The following MAP3K8 variants were observed in gnomAD, a reference collection of about 807,000 sequenced individuals.
The protein encoded by MAP3K8 is mitogen-activated protein kinase kinase kinase 8.
Under a neutral mutation model 45.8 loss-of-function variants are expected in MAP3K8, and 22 were observed. The ratio of observed to expected loss-of-function variants is 0.48; its 90% CI spans 0.34 to 0.69. The LOEUF is 0.69. Among genes scored for constraint, MAP3K8 ranks in the 30% least tolerant of loss-of-function variants. The pLI, the probability that MAP3K8 is intolerant of heterozygous loss-of-function variation, is 0.01. For missense variants in MAP3K8, 419 were observed against 585.0 expected (o/e 0.72, Z 2.93); for synonymous variants, 223 against 214.3 (o/e 1.04, Z -0.36).
chr10:30,448,430 T>C (rs1346216514), intron 4 of MAP3K8, among the ~76,000 whole-genome samples: 1 of 149,162 alleles, frequency 6.7e-6, no homozygotes, highest in Non-Finnish European at 1.5e-5. Context: ...ATTATTATTA[T>C]TATTATTATT....
chr10:30,439,253 A>G lies in MAP3K8; in HGVS notation c.315A>G (p.Glu105=). The part of the protein sequence containing the change: ...AKHFYGQRPQ[E]SGILLNMVIT... ...ATTTTTATGGACAACGACCACAGGA[A>G]TCTGGAATTTTATTAAACATGGTAC... The change falls in exon 3 of 9, where the codon GAA becomes GAG. Residue 105 remains glutamate (E), a synonymous_variant. Coordinates refer to ENST00000263056, the MANE Select transcript of MAP3K8 (RefSeq NM_005204.4). 6.2e-7 allele frequency: 1 copy of G among 1,614,222 alleles called. No individual in the cohort carries two copies. The highest frequency in any genetic ancestry group is 8.5e-7 in the Non-Finnish European group (1 of 1,180,034).
At chr10:30,435,099 G>A (rs189314640) in intron 1 of MAP3K8, among the ~76,000 whole-genome samples, 55 of 152,348 alleles carry the variant, frequency 3.6e-4, no homozygotes, top group African/African-American at 1.3e-3. Flanking sequence ...GACGCCTAGG[G>A]ATTGTCTCCA....
At position 30,452,750 on chromosome 10, in the gene MAP3K8, T is replaced by C. The variant is rs371268599; in HGVS notation, c.873+1006T>C. On this transcript the variant is annotated intron_variant, in intron 6 of 8. Transcript: ENST00000263056. ...GGCTGTAGGACAGTGGCGCATGATC[T>C]CAGCTCACTGTAATCTCCACCTCCT... Among the ~76,000 whole-genome samples the C allele has an allele frequency of 1.1e-4, 16 of 152,290 alleles. No homozygotes were observed. The East Asian group carries it at 1.5e-3, about 15-fold the overall frequency.
At chr10:30,441,412 C>A (rs538214300) in intron 3 of MAP3K8, among the ~76,000 whole-genome samples, 108 of 152,222 alleles carry the variant, frequency 7.1e-4, no homozygotes, top group Non-Finnish European at 1.2e-4. Context: ...CTGCCTTGGC[C>A]TTTCAAAGTG....
In MAP3K8 at chr10:30,458,253, C is replaced by CCCTGGGG; in HGVS notation, c.1026+17_1026+18insCCTGGGG. 1.7e-6 allele frequency: 1 copy of CCCTGGGG among 599,138 alleles called. No individual in the cohort carries two copies. Among genetic ancestry groups the CCCTGGGG allele is most frequent in the Non-Finnish European group, 2.6e-6 (1 of 387,912 alleles). 37.1% of individuals were successfully genotyped at this position (599,138 alleles called of 1,614,324 possible). A position where few individuals can be genotyped will look rare whatever the true frequency, so the allele number is the denominator to read the frequency against. ...CTGTACATAGTAAGTGGGGTTCAAC[C>CCCTGGGG]AGGGCTGGGGGCGGCGGGGGGGGGC... On this transcript the variant is annotated intron_variant, in intron 7 of 8. Coordinates refer to ENST00000263056, the MANE Select transcript of MAP3K8 (RefSeq NM_005204.4).
chr10:30,450,575 A>G, intron 5 of MAP3K8, 56 bp downstream of exon 5: 1 of 1,529,676 alleles, frequency 6.5e-7, no homozygotes, highest in South Asian at 1.1e-5. Context: ...TATTCAGGAG[A>G]CAAACAAGCT....
intron 3 of MAP3K8, among the ~76,000 whole-genome samples, chr10:30,446,277 GT>G (rs8177057): frequency 0.015 from 2,350 of 152,272 alleles, 27 homozygotes; most frequent in Non-Finnish European, 0.024. Context: ...GCTCACGCCT[GT>G]AATCCCAGAA....
At chr10:30,439,340 C>A (rs781257249) in intron 3 of MAP3K8, 66 bp downstream of exon 3, 2 of 1,586,334 alleles carry the variant, frequency 1.3e-6, no homozygotes, top group Non-Finnish European at 1.7e-6. Context: ...TCATTTAATG[C>A]AGAGTGGTGT....
At chr10:30,434,745 C>T (rs1345165062) in intron 1 of MAP3K8, 2 of 985,398 alleles carry the variant, frequency 2.0e-6, no homozygotes, top group Non-Finnish European at 2.4e-6. Context: ...CTGCCCGAGA[C>T]CCGGTGAGTG....
intron 3 of MAP3K8, among the ~76,000 whole-genome samples, chr10:30,447,380 A>T (rs1836376712): frequency 6.6e-6 from 1 of 152,220 alleles, no homozygotes; most frequent in African/African-American, 2.4e-5. Flanking sequence ...ATGTGTGAGT[A>T]ATAGCTATGT....
chr10:30,436,230 CT>C (rs1373467099), intron 1 of MAP3K8, among the ~76,000 whole-genome samples: 8 of 152,322 alleles, frequency 5.3e-5, no homozygotes, highest in African/African-American at 1.9e-4. Context: ...ACAATCTGAA[CT>C]TTCTCTAGAT....
intron 3 of MAP3K8, among the ~76,000 whole-genome samples, chr10:30,443,104 A>G (rs1431073478): frequency 6.6e-6 from 1 of 152,140 alleles, no homozygotes; most frequent in African/African-American, 2.4e-5. Flanking sequence ...TTGGCCATTA[A>G]AAAAAGTGCA....
chr10:30,452,742 G>A (rs182357663), intron 6 of MAP3K8, among the ~76,000 whole-genome samples: 80 of 152,224 alleles, frequency 5.3e-4, no homozygotes, highest in Admixed American at 1.6e-3. Flanking sequence ...GGACAGTGGC[G>A]CATGATCTCA....
chr10:30,446,534 C>CA (rs5784199), intron 3 of MAP3K8, among the ~76,000 whole-genome samples: 1,806 of 89,060 alleles, frequency 0.02, 38 homozygotes, highest in African/African-American at 0.057. Context: ...GACTCCATCT[C>CA]AAAAAAAAAA....
intron 3 of MAP3K8, among the ~76,000 whole-genome samples, chr10:30,441,609 A>G (rs1836112179): frequency 6.6e-6 from 1 of 152,214 alleles, no homozygotes; most frequent in South Asian, 2.1e-4. Context: ...CTTAAAATCT[A>G]TTGGATCTTA....
At chr10:30,455,912 T>C (rs1448639496) in intron 6 of MAP3K8, among the ~76,000 whole-genome samples, 2 of 152,184 alleles carry the variant, frequency 1.3e-5, no homozygotes, top group Non-Finnish European at 2.9e-5. Flanking sequence ...TTGGTAGAGC[T>C]TGAGGAACAA....
rs560386246 is a variant in MAP3K8 at position 30,434,698 on chromosome 10, T to C, written c.-255+320T>C. On this transcript the variant is annotated intron_variant, in intron 1 of 8. Coordinates refer to ENST00000263056, the MANE Select transcript of MAP3K8 (RefSeq NM_005204.4). ...AGCGGGGACCCGCTGTCACTGCGCC[T>C]CCCGCTGCCGACGCCGCCTGGACGG... 272 of 985,526 alleles carry C rather than the reference T, an allele frequency of 2.8e-4. 2 individuals carry two copies. In the South Asian group the frequency reaches 0.012, roughly 42 times the overall value. The allele number at this position is 985,526 out of a possible 1,614,324, so 61.0% of individuals were successfully genotyped here. A position where few individuals can be genotyped will look rare whatever the true frequency, so the allele number is the denominator to read the frequency against.
rs532844555 is a variant in MAP3K8, at chr10:30,460,757, G to A, written c.1325G>A (p.Arg442His). The A allele has an allele frequency of 9.9e-6, 16 of 1,613,638 alleles. No homozygotes were observed. Among genetic ancestry groups the A allele is most frequent in the East Asian group, 4.5e-5 (2 of 44,848 alleles). Residue 442 changes from arginine to histidine, a missense_variant, in exon 9 of 9, where the codon CGC becomes CAC. Transcript: ENST00000263056. ...TEESEMLKRQ[R>H]SLYIDLGALA... is the part of the protein sequence containing the mutation. ...GAATCTGAGATGCTCAAGAGGCAAC[G>A]CTCTCTCTACATCGACCTCGGCGCT...
intron 6 of MAP3K8, among the ~76,000 whole-genome samples, chr10:30,452,276 C>A (rs1252886816): frequency 6.6e-6 from 1 of 152,000 alleles, no homozygotes; most frequent in South Asian, 2.1e-4. Flanking sequence ...TTGAGACAAG[C>A]CTGACCAACA....
Sources: gnomAD v4.1 joint callset for allele counts (sites outside exome capture counted in the v4.1 genomes callset) on GRCh38, gnomAD v4.1.1 for gene constraint, MANE v1.5 for transcripts, NCBI Gene and HGNC (gene_info 2026-07-23, HGNC 2026-07-21) for gene names.